HIPK2: variants seen among roughly 807,000 people sequenced by gnomAD.
HIPK2 encodes homeodomain interacting protein kinase 2.
Under a neutral mutation model 113.7 loss-of-function variants are expected in HIPK2, and 27 were observed. That is an observed-to-expected ratio of 0.24 (90% CI 0.17 to 0.33). The LOEUF (loss-of-function observed/expected upper bound fraction) is 0.33. Among genes scored for constraint, HIPK2 ranks in the 10% least tolerant of loss-of-function variants. HIPK2 has a pLI of 1.00. For synonymous variants in HIPK2, 631 were observed against 642.2 expected (o/e 0.98, Z 0.26); for missense variants, 1,257 against 1,588.0 (o/e 0.79, Z 3.54).
At chr7:139,625,564 T>C (rs1026666471) in intron 6 of HIPK2, among the ~76,000 whole-genome samples, 9 of 152,220 alleles carry the variant, frequency 5.9e-5, no homozygotes, top group African/African-American at 2.2e-4. Flanking sequence ...GATGGGTGCA[T>C]GGTCCTGCCC....
At chr7:139,661,825 T>C (rs1271613130) in intron 2 of HIPK2, among the ~76,000 whole-genome samples, 1 of 152,230 alleles carries the variant, frequency 6.6e-6, no homozygotes, top group Non-Finnish European at 1.5e-5. Flanking sequence ...CTCTAAATAC[T>C]ATGCTTTTCT....
At chr7:139,635,444 G>A (rs1800778036) in intron 2 of HIPK2, among the ~76,000 whole-genome samples, 1 of 152,154 alleles carries the variant, frequency 6.6e-6, no homozygotes, top group Non-Finnish European at 1.5e-5. Flanking sequence ...TGATGAACAA[G>A]GCAGACTGCA....
chr7:139,761,734 G>T (rs1422364377), intron 1 of HIPK2, among the ~76,000 whole-genome samples: 2 of 152,114 alleles, frequency 1.3e-5, no homozygotes, highest in Non-Finnish European at 2.9e-5. Flanking sequence ...AGCCTTGAAG[G>T]GTATTTGAGG....
chr7:139,597,303 G>A (rs1169038911), intron 11 of HIPK2, among the ~76,000 whole-genome samples: 1 of 152,234 alleles, frequency 6.6e-6, no homozygotes, highest in African/African-American at 2.4e-5. Flanking sequence ...AGGAGCAGAT[G>A]TCATGCCAGG....
chr7:139,774,363 T>C (rs1380201818), intron 1 of HIPK2, among the ~76,000 whole-genome samples: 1 of 152,212 alleles, frequency 6.6e-6, no homozygotes, highest in African/African-American at 2.4e-5. Context: ...GATTCAAGTA[T>C]CATAGCACAT....
chr7:139,596,428 A>G (rs1799215970), intron 12 of HIPK2, among the ~76,000 whole-genome samples: 1 of 152,244 alleles, frequency 6.6e-6, no homozygotes, highest in Admixed American at 6.5e-5. Context: ...GATGAAATAC[A>G]CTGGCATTGT....
chr7:139,738,809 A>G (rs1276083735), intron 1 of HIPK2, among the ~76,000 whole-genome samples: 2 of 152,216 alleles, frequency 1.3e-5, no homozygotes, highest in Non-Finnish European at 2.9e-5. Flanking sequence ...TTTTAAATGT[A>G]TAAGGATGAA....
In HIPK2 at chr7:139,572,923, G is replaced by A; in HGVS notation, c.*4C>T. On this transcript the variant is annotated 3_prime_UTR_variant, in exon 15 of 15. Coordinates refer to ENST00000406875, the MANE Select transcript of HIPK2 (RefSeq NM_022740.5). ...TCCCTCCCTCCCTCCCTCCCCTCCA[G>A]TGTTTATATGTAAGGGTACTGGTTG... The A allele has an allele frequency of 2.6e-6, 1 of 386,812 alleles. No homozygotes were observed. The highest frequency in any genetic ancestry group is 5.1e-6 in the Non-Finnish European group (1 of 196,746). 24.0% of individuals were successfully genotyped at this position (386,812 alleles called of 1,614,324 possible). A position where few individuals can be genotyped will look rare whatever the true frequency, so the allele number is the denominator to read the frequency against.
chr7:139,581,810 C>T (rs1798678120), intron 13 of HIPK2, among the ~76,000 whole-genome samples: 2 of 152,186 alleles, frequency 1.3e-5, no homozygotes, highest in Admixed American at 1.3e-4. Context: ...CGAGGAATGC[C>T]CCTGCTCGTG....
Position 139,572,469 on chromosome 7 carries a change from G to A in HIPK2, c.*458C>T, listed in dbSNP as rs1207088964. On this transcript the variant is annotated 3_prime_UTR_variant, in exon 15 of 15. Transcript: ENST00000406875. Reference sequence around the variant, plus strand: ...ACAGCAGTCTTCCGTATCACTTGCTGCCATATGAAAATAATCTTTGAAAAG... The same window carrying A: ...ACAGCAGTCTTCCGTATCACTTGCTACCATATGAAAATAATCTTTGAAAAG... The A allele has an allele frequency of 1.3e-5, 2 of 154,910 alleles. No homozygotes were observed. Among genetic ancestry groups the A allele is most frequent in the African/African-American group, 4.8e-5 (2 of 41,536 alleles). The allele number at this position is 154,910 out of a possible 1,614,324, so 9.6% of individuals were successfully genotyped here.
In HIPK2 at chr7:139,596,967, G is replaced by T; in HGVS notation, c.2467C>A (p.Gln823Lys). The T allele has an allele frequency of 6.2e-7, 1 of 1,603,606 alleles. No individual in the cohort carries two copies. Among genetic ancestry groups the T allele is most frequent in the East Asian group, 2.2e-5 (1 of 44,556 alleles). Residue 823 changes from glutamine (Q) to lysine (K), a missense_variant, in exon 12 of 15, where the codon CAG (glutamine) becomes AAG (lysine). Transcript: ENST00000406875. The part of the protein sequence containing the change: ...NVSTCEVSSS[Q>K]AISSPQRSKR... The stretch of plus-strand genomic sequence containing the variant: ...GATCGCTGTGGGGAGCTGATGGCCT[G>T]AGAGGAGGACACCTCACAGGTGGAG...
intron 1 of HIPK2, among the ~76,000 whole-genome samples, chr7:139,728,450 C>T (rs1795654360): frequency 6.6e-6 from 1 of 152,126 alleles, no homozygotes; most frequent in Admixed American, 6.5e-5. Flanking sequence ...CTGTTCTAGG[C>T]CTCCCTCCTT....
chr7:139,594,842 C>T (rs1033568243), intron 12 of HIPK2, among the ~76,000 whole-genome samples: 4 of 152,188 alleles, frequency 2.6e-5, no homozygotes, highest in African/African-American at 9.7e-5. Context: ...CTGTGGCTGC[C>T]CCTCACCTGT....
Position 139,631,834 on chromosome 7 carries a change from G to A in HIPK2, c.1104-109C>T. 3.7e-6 allele frequency: 5 copies of A among 1,361,686 alleles called. No homozygotes were observed. Among genetic ancestry groups the A allele is most frequent in the Non-Finnish European group, 3.9e-6 (4 of 1,015,522 alleles). The allele number at this position is 1,361,686 out of a possible 1,614,324, so 84.4% of individuals were successfully genotyped here. ...GGGTGCCATTACTGACTCCTCCTCTGAAGGGCCTGTGGCTCTCAGGAGAGG... is the reference window on the plus strand; with the variant it reads ...GGGTGCCATTACTGACTCCTCCTCTAAAGGGCCTGTGGCTCTCAGGAGAGG... On this transcript the variant is annotated intron_variant, in intron 2 of 14. Coordinates refer to ENST00000406875, the MANE Select transcript of HIPK2 (RefSeq NM_022740.5). The surrounding 1 kb of genome is among the most constrained non-coding windows in gnomAD (Gnocchi z 4.9).
chr7:139,699,897 G>C (rs1448711275), intron 2 of HIPK2, among the ~76,000 whole-genome samples: 1 of 152,234 alleles, frequency 6.6e-6, no homozygotes, highest in Non-Finnish European at 1.5e-5. Context: ...CATGCTTCCT[G>C]TGGCTGCACA....
At position 139,776,826 on chromosome 7, in the gene HIPK2, G is replaced by GA. The variant is rs1168819887; in HGVS notation, c.19+778dup. Among the ~76,000 whole-genome samples, 6 of 152,284 alleles carry GA rather than the reference G, an allele frequency of 3.9e-5. No individual in the cohort carries two copies. The South Asian group carries it at 1.2e-3, about 32-fold the overall frequency. ...CTGACAGAACGGACTGAAGAGAAAC[G>GA]AAAGACAGTGTGCGAGGCAGACCTA... is the stretch of plus-strand genomic sequence containing the variant. On this transcript the variant is annotated intron_variant, in intron 1 of 14. Transcript: ENST00000406875.
chr7:139,701,952 G>A (rs1447406574), intron 2 of HIPK2, among the ~76,000 whole-genome samples: 2 of 152,166 alleles, frequency 1.3e-5, no homozygotes, highest in Non-Finnish European at 2.9e-5. Flanking sequence ...AGAGGGGCAG[G>A]CTGGGGCTAC....
intron 2 of HIPK2, among the ~76,000 whole-genome samples, chr7:139,641,121 T>C (rs890240761): frequency 2.6e-5 from 4 of 152,114 alleles, no homozygotes; most frequent in Non-Finnish European, 5.9e-5. Flanking sequence ...TCCCAGTACT[T>C]TGGGAGGCCG....
At chr7:139,687,689 T>C (rs1794267575) in intron 2 of HIPK2, among the ~76,000 whole-genome samples, 1 of 152,228 alleles carries the variant, frequency 6.6e-6, no homozygotes, top group South Asian at 2.1e-4. Flanking sequence ...AGGATTGGTA[T>C]GCCAAGAACC....
Sources: allele counts gnomAD v4.1 joint callset (sites outside exome capture counted in the v4.1 genomes callset), GRCh38; gene constraint gnomAD v4.1.1; non-coding constraint Gnocchi (gnomAD v3.1); transcripts MANE v1.5; gene names NCBI Gene and HGNC (gene_info 2026-07-23, HGNC 2026-07-21).